The following PKNOX2 variants were observed in gnomAD, a reference collection of about 807,000 sequenced individuals.
PKNOX2 encodes homeobox protein PKNOX2.
In PKNOX2, 14 loss-of-function variants were observed where a neutral mutation model predicts 53.1. The ratio of observed to expected loss-of-function variants is 0.26; its 90% CI spans 0.17 to 0.41. The LOEUF (loss-of-function observed/expected upper bound fraction) is 0.41, where lower values mean the gene tolerates loss of function less well. Ranked by LOEUF, PKNOX2 falls within the 10% of genes least tolerant of loss-of-function variation. The pLI, the probability that PKNOX2 is intolerant of heterozygous loss-of-function variation, is 1.00. For missense variants in PKNOX2, 496 were observed against 602.8 expected, an observed-to-expected ratio of 0.82 and a Z score of 1.85; for synonymous variants, 257 against 242.8, an observed-to-expected ratio of 1.06 and a Z score of -0.54.
At chr11:125,191,581 A>G (rs1393568854) in intron 1 of PKNOX2, among the ~76,000 whole-genome samples, 1 of 152,158 alleles carries the variant, frequency 6.6e-6, no homozygotes, top group Non-Finnish European at 1.5e-5. Context: ...CAGTGCAGTC[A>G]CCTGCCAGTG....
At chr11:125,242,208 G>A (rs1221203973) in intron 2 of PKNOX2, among the ~76,000 whole-genome samples, 1 of 152,188 alleles carries the variant, frequency 6.6e-6, no homozygotes, top group Non-Finnish European at 1.5e-5. Context: ...TACTATTTTT[G>A]CAGAGGGAAC....
At chr11:125,407,204 C>T (rs1212568809) in intron 7 of PKNOX2, among the ~76,000 whole-genome samples, 1 of 152,170 alleles carries the variant, frequency 6.6e-6, no homozygotes. Flanking sequence ...AAAGAGAAGG[C>T]TCTGATCCAA....
intron 7 of PKNOX2, among the ~76,000 whole-genome samples, chr11:125,409,741 C>G (rs1370028404): frequency 6.6e-6 from 1 of 152,016 alleles, no homozygotes; most frequent in East Asian, 1.9e-4. Flanking sequence ...TTTTCTCAGA[C>G]CCGGCTGACA....
At chr11:125,366,379 C>G (rs1429114765) in intron 4 of PKNOX2, among the ~76,000 whole-genome samples, 1 of 152,194 alleles carries the variant, frequency 6.6e-6, no homozygotes, top group African/African-American at 2.4e-5. Flanking sequence ...AGGTACATTT[C>G]TTTTATAGTC....
At chr11:125,168,382 A>C (rs1259627105) in intron 1 of PKNOX2, among the ~76,000 whole-genome samples, 2 of 152,234 alleles carry the variant, frequency 1.3e-5, no homozygotes, top group Non-Finnish European at 2.9e-5. Flanking sequence ...AAGCTTCTCC[A>C]AGCTGGGTTT....
At chr11:125,244,935 G>A (rs1943443660) in intron 2 of PKNOX2, among the ~76,000 whole-genome samples, 1 of 152,150 alleles carries the variant, frequency 6.6e-6, no homozygotes, top group African/African-American at 2.4e-5. Context: ...CTGGGCTTGA[G>A]ACTACCTGGT....
At chr11:125,266,423 A>C (rs1021841533) in intron 2 of PKNOX2, among the ~76,000 whole-genome samples, 1 of 152,112 alleles carries the variant, frequency 6.6e-6, no homozygotes, top group African/African-American at 2.4e-5. Context: ...TGAACCTTTC[A>C]TCCTCCCCAC....
At chr11:125,285,397 T>G (rs1408240527) in intron 2 of PKNOX2, among the ~76,000 whole-genome samples, 1 of 152,218 alleles carries the variant, frequency 6.6e-6, no homozygotes, top group Non-Finnish European at 1.5e-5. Context: ...GAAGGCACAG[T>G]TCATAGAGTC....
At chr11:125,336,674 T>G (rs11220026) in intron 3 of PKNOX2, among the ~76,000 whole-genome samples, 7,843 of 147,670 alleles carry the variant, frequency 0.053, 293 homozygotes, top group Middle Eastern at 0.078. Flanking sequence ...ATATGTAATG[T>G]ATACTCTGTA....
chr11:125,347,570 C>T lies in PKNOX2; in HGVS notation c.-22-3714C>T, dbSNP rs1396907123. 3.3e-5 allele frequency among the ~76,000 whole-genome samples: 5 copies of T among 152,170 alleles called. No homozygotes were observed. In the East Asian group the frequency reaches 7.8e-4, roughly 24 times the overall value. On this transcript the variant is annotated intron_variant, in intron 3 of 12. Coordinates refer to ENST00000298282, the MANE Select transcript of PKNOX2 (RefSeq NM_001382323.2). The stretch of plus-strand genomic sequence containing the variant: ...CTGTGGGGAGCATGGGTTGAGGAGG[C>T]TGAGGGAGGTGGGTGCCCAGGACTG...
chr11:125,339,509 C>T (rs1950577067), intron 3 of PKNOX2, among the ~76,000 whole-genome samples: 1 of 152,230 alleles, frequency 6.6e-6, no homozygotes, highest in Non-Finnish European at 1.5e-5. Flanking sequence ...AGAACAGGGA[C>T]TTCTTTACAG....
intron 2 of PKNOX2, among the ~76,000 whole-genome samples, chr11:125,302,632 G>T (rs1003724414): frequency 3.3e-5 from 5 of 152,142 alleles, no homozygotes; most frequent in Non-Finnish European, 7.4e-5. Context: ...TTAAAACAAG[G>T]CTGTCCCCAA....
In PKNOX2 at chr11:125,165,646, C is replaced by T. The variant is rs1001846642; in HGVS notation, c.-201+870C>T. Reference sequence around the variant, plus strand: ...GCCAGGATCCGAGGGGCTACACGCACGGACCCTCACCCAGGGAGGAGCGAG... The same window carrying T: ...GCCAGGATCCGAGGGGCTACACGCATGGACCCTCACCCAGGGAGGAGCGAG... On this transcript the variant is annotated intron_variant, in intron 1 of 12. Coordinates refer to ENST00000298282, the MANE Select transcript of PKNOX2 (RefSeq NM_001382323.2). The surrounding 1 kb of genome is among the most constrained non-coding windows in gnomAD (Gnocchi z 4.5). Among the ~76,000 whole-genome samples the T allele has an allele frequency of 3.9e-5, 6 of 152,286 alleles. No individual in the cohort carries two copies. The highest frequency in any genetic ancestry group is 8.8e-5 in the Non-Finnish European group (6 of 68,028).
At chr11:125,222,193 A>T (rs2135503482) in intron 1 of PKNOX2, among the ~76,000 whole-genome samples, 1 of 152,268 alleles carries the variant, frequency 6.6e-6, no homozygotes. Flanking sequence ...AGGGGTGACA[A>T]CTGCCTTGGG....
At chr11:125,322,574 G>A (rs187555262) in intron 2 of PKNOX2, among the ~76,000 whole-genome samples, 185 of 152,312 alleles carry the variant, frequency 1.2e-3, no homozygotes, top group Non-Finnish European at 2.2e-3. Context: ...TAATCCTGAT[G>A]AGCCCAGTGG....
intron 2 of PKNOX2, among the ~76,000 whole-genome samples, chr11:125,242,016 G>A (rs1008382039): frequency 1.3e-5 from 2 of 151,826 alleles, no homozygotes; most frequent in East Asian, 1.9e-4. Flanking sequence ...GGATGGCGGC[G>A]GGGAGCAGGA....
chr11:125,221,362 A>G lies in PKNOX2; in HGVS notation c.-200-13683A>G, dbSNP rs1054801100. 2.0e-5 allele frequency among the ~76,000 whole-genome samples: 3 copies of G among 152,080 alleles called. No homozygotes were observed. The South Asian group carries it at 6.2e-4, about 32-fold the overall frequency. ...GGAACTCTAGGCAAAATAAGCATGA[A>G]GTGTGTGGCATCCATGTGATAAGTG... is the stretch of plus-strand genomic sequence containing the variant. On this transcript the variant is annotated intron_variant, in intron 1 of 12. Transcript: ENST00000298282.
intron 6 of PKNOX2, among the ~76,000 whole-genome samples, chr11:125,389,351 C>T (rs969956430): frequency 3.9e-5 from 6 of 152,200 alleles, no homozygotes; most frequent in African/African-American, 1.4e-4. Flanking sequence ...CAACATCACA[C>T]CACCACTCCT....
intron 2 of PKNOX2, among the ~76,000 whole-genome samples, chr11:125,275,282 G>A (rs1432194635): frequency 1.3e-5 from 2 of 152,080 alleles, no homozygotes; most frequent in African/African-American, 2.4e-5. Context: ...TAGATGGGAG[G>A]GAGAGCATCT....
Sources: gnomAD v4.1 joint callset for allele counts (sites outside exome capture counted in the v4.1 genomes callset) on GRCh38, gnomAD v4.1.1 for gene constraint, Gnocchi (gnomAD v3.1) non-coding constraint, MANE v1.5 for transcripts, NCBI Gene and HGNC (gene_info 2026-07-23, HGNC 2026-07-21) for gene names.